The following PRKCE variants were observed in gnomAD, a reference collection of about 807,000 sequenced individuals.
PRKCE encodes the protein protein kinase C epsilon type.
In PRKCE, 16 loss-of-function variants were observed where a neutral mutation model predicts 85.4. The observed-to-expected ratio is 0.19, with a 90% confidence interval of 0.13 to 0.28. PRKCE has a LOEUF of 0.28. PRKCE is among the 10% of genes least tolerant of loss of function. The pLI is 1.00. For synonymous variants in PRKCE, 388 were observed against 371.5 expected (o/e 1.04, Z -0.51); for missense variants, 573 against 975.2 (o/e 0.59, Z 5.49).
chr2:46,134,512 G>A (rs995801871), intron 11 of PRKCE, among the ~76,000 whole-genome samples: 4 of 152,212 alleles, frequency 2.6e-5, no homozygotes, highest in Non-Finnish European at 4.4e-5. Flanking sequence ...TTTACATTTC[G>A]TGTAAAAATG....
intron 1 of PRKCE, among the ~76,000 whole-genome samples, chr2:45,745,903 G>A (rs552337954): frequency 6.6e-6 from 1 of 152,308 alleles, no homozygotes; most frequent in Admixed American, 6.5e-5. Flanking sequence ...TAATTTAAAT[G>A]GATGGCCTAA....
At chr2:45,809,033 C>G (rs1380177830) in intron 1 of PRKCE, among the ~76,000 whole-genome samples, 3 of 152,094 alleles carry the variant, frequency 2.0e-5, no homozygotes, top group African/African-American at 7.2e-5. Context: ...TGGTGTGTCC[C>G]TTCTGTGATT....
At chr2:45,746,789 C>T (rs1683173603) in intron 1 of PRKCE, among the ~76,000 whole-genome samples, 1 of 152,188 alleles carries the variant, frequency 6.6e-6, no homozygotes, top group Non-Finnish European at 1.5e-5. Context: ...CCTATCCTGC[C>T]TACCCAAATG....
At chr2:46,033,894 T>C (rs1381855120) in intron 10 of PRKCE, among the ~76,000 whole-genome samples, 1 of 152,050 alleles carries the variant, frequency 6.6e-6, no homozygotes, top group East Asian at 1.9e-4. Flanking sequence ...GCATTTCTGA[T>C]GAGAGGAACA....
chr2:45,767,271 A>C (rs1684985734), intron 1 of PRKCE, among the ~76,000 whole-genome samples: 1 of 151,222 alleles, frequency 6.6e-6, no homozygotes, highest in African/African-American at 2.4e-5. Context: ...TGTTCTTTGA[A>C]ACTTTTTAAA....
At chr2:45,947,917 G>A (rs1015021178) in intron 2 of PRKCE, among the ~76,000 whole-genome samples, 4 of 152,252 alleles carry the variant, frequency 2.6e-5, no homozygotes, top group East Asian at 1.9e-4. Context: ...TAAAAATGAC[G>A]AGAAACAGGA....
intron 1 of PRKCE, among the ~76,000 whole-genome samples, chr2:45,749,442 G>A (rs562671133): frequency 6.6e-6 from 1 of 152,160 alleles, no homozygotes; most frequent in South Asian, 2.1e-4. Flanking sequence ...CAGCTCATGG[G>A]TGCAGTTCTG....
chr2:45,965,254 T>G (rs1701657004), intron 2 of PRKCE, among the ~76,000 whole-genome samples: 1 of 152,262 alleles, frequency 6.6e-6, no homozygotes, highest in African/African-American at 2.4e-5. Flanking sequence ...TGACATCACA[T>G]AAATATTTAC....
intron 2 of PRKCE, among the ~76,000 whole-genome samples, chr2:45,874,167 G>C (rs1694299063): frequency 6.6e-6 from 1 of 152,180 alleles, no homozygotes; most frequent in African/African-American, 2.4e-5. Context: ...TATGAATCCA[G>C]ACTTACCCCA....
chr2:45,762,929 C>CTTTCTTTTCT (rs369929767), intron 1 of PRKCE, among the ~76,000 whole-genome samples: 55 of 147,328 alleles, frequency 3.7e-4, no homozygotes, highest in African/African-American at 9.1e-4. Context: ...TTGAGGTGTT[C>CTTTCTTTTCT]TTTCTTTTCT....
intron 2 of PRKCE, among the ~76,000 whole-genome samples, chr2:45,951,397 T>G (rs1262703261): frequency 6.6e-6 from 1 of 152,152 alleles, no homozygotes; most frequent in Non-Finnish European, 1.5e-5. Context: ...GTCTTGCAAG[T>G]CTTTGGGCTT....
chr2:46,082,520 T>C (rs1669186709), intron 10 of PRKCE, among the ~76,000 whole-genome samples: 1 of 152,100 alleles, frequency 6.6e-6, no homozygotes, highest in Non-Finnish European at 1.5e-5. Flanking sequence ...TGGATGGAGA[T>C]GTCAGAACCG....
chr2:46,169,096 C>G (rs750155344), intron 14 of PRKCE, among the ~76,000 whole-genome samples: 1 of 152,156 alleles, frequency 6.6e-6, no homozygotes, highest in Non-Finnish European at 1.5e-5. Flanking sequence ...ACTTTGCAAG[C>G]TGACTGGGGG....
chr2:45,725,540 C>T (rs1371628857), intron 1 of PRKCE, among the ~76,000 whole-genome samples: 1 of 152,132 alleles, frequency 6.6e-6, no homozygotes, highest in Admixed American at 6.5e-5. Context: ...GGAAAGGATT[C>T]ACCATTCTAG....
At chr2:45,884,972 TATATATATATATATA>T (rs1306539179) in intron 2 of PRKCE, among the ~76,000 whole-genome samples, 5 of 61,180 alleles carry the variant, frequency 8.2e-5, no homozygotes, top group East Asian at 6.8e-3. Flanking sequence ...TATATATATA[TATATATATATATATA>T]TATATATATA....
At chr2:45,870,647 G>A (rs890862748) in intron 2 of PRKCE, among the ~76,000 whole-genome samples, 3 of 152,194 alleles carry the variant, frequency 2.0e-5, no homozygotes, top group East Asian at 3.8e-4. Flanking sequence ...GTAGTCAAGG[G>A]GGAAGAGCCT....
chr2:45,977,614 G>T (rs1488868980), intron 3 of PRKCE, among the ~76,000 whole-genome samples: 2 of 151,088 alleles, frequency 1.3e-5, no homozygotes, highest in Non-Finnish European at 2.9e-5. Context: ...TCCAACCTGG[G>T]TGTGACAGAG....
At chr2:46,064,275 T>C (rs1224720778) in intron 10 of PRKCE, among the ~76,000 whole-genome samples, 1 of 118,618 alleles carries the variant, frequency 8.4e-6, no homozygotes, top group Non-Finnish European at 1.7e-5. Flanking sequence ...AGTGAGACTC[T>C]GTCTCAAAAA....
At chr2:45,928,495 C>T (rs1345745521) in intron 2 of PRKCE, among the ~76,000 whole-genome samples, 1 of 152,192 alleles carries the variant, frequency 6.6e-6, no homozygotes, top group African/African-American at 2.4e-5. Flanking sequence ...TCTCCAACTT[C>T]TGAGCTCAGG....
Sources: gnomAD v4.1 joint callset for allele counts (sites outside exome capture counted in the v4.1 genomes callset) on GRCh38, gnomAD v4.1.1 for gene constraint, MANE v1.5 for transcripts, NCBI Gene and HGNC (gene_info 2026-07-23, HGNC 2026-07-21) for gene names.